The following HOMER1 variants were observed in gnomAD, a reference collection of about 807,000 sequenced individuals.
HOMER1 encodes homer protein homolog 1.
A neutral mutation model predicts 48.9 loss-of-function variants in HOMER1; 3 were observed. That is an observed-to-expected ratio of 0.06 (90% CI 0.03 to 0.16). The LOEUF (loss-of-function observed/expected upper bound fraction) is 0.16. HOMER1 is among the 10% of genes least tolerant of loss of function. The pLI, the probability that HOMER1 is intolerant of heterozygous loss-of-function variation, is 1.00. For missense variants in HOMER1, 247 were observed against 411.4 expected, an observed-to-expected ratio of 0.60 and a Z score of 3.46; for synonymous variants, 134 against 146.4, an observed-to-expected ratio of 0.92 and a Z score of 0.61.
intron 5 of HOMER1, among the ~76,000 whole-genome samples, chr5:79,413,354 T>C (rs773398539): frequency 7.2e-5 from 11 of 152,170 alleles, no homozygotes; most frequent in Non-Finnish European, 1.3e-4. Context: ...TAGTCATACA[T>C]CACAATTCCC....
At chr5:79,480,983 T>C (rs1030855080) in intron 1 of HOMER1, among the ~76,000 whole-genome samples, 1 of 152,208 alleles carries the variant, frequency 6.6e-6, no homozygotes, top group African/African-American at 2.4e-5. Context: ...TCTTCAACCA[T>C]CACAATGCTT....
chr5:79,376,629 T>G (rs1748778891), intron 8 of HOMER1, among the ~76,000 whole-genome samples: 1 of 152,216 alleles, frequency 6.6e-6, no homozygotes, highest in Non-Finnish European at 1.5e-5. Context: ...TACTGGCAAC[T>G]CTAGAGAAAG....
chr5:79,462,353 T>C (rs1751339192), intron 1 of HOMER1, among the ~76,000 whole-genome samples: 2 of 152,206 alleles, frequency 1.3e-5, no homozygotes, highest in Admixed American at 1.3e-4. Flanking sequence ...TATTTTTCTG[T>C]TGATTCATAA....
chr5:79,494,667 G>A (rs1024947019), intron 1 of HOMER1, among the ~76,000 whole-genome samples: 2 of 152,182 alleles, frequency 1.3e-5, no homozygotes, highest in African/African-American at 2.4e-5. Flanking sequence ...TCAGGAGTTC[G>A]AGACCAGCCT....
intron 8 of HOMER1, among the ~76,000 whole-genome samples, chr5:79,384,857 A>G (rs1749069097): frequency 6.6e-6 from 1 of 152,204 alleles, no homozygotes; most frequent in South Asian, 2.1e-4. Context: ...AGAAATTAAT[A>G]AATGATACAT....
chr5:79,470,659 T>G (rs939671324), intron 1 of HOMER1, among the ~76,000 whole-genome samples: 1 of 152,194 alleles, frequency 6.6e-6, no homozygotes, highest in African/African-American at 2.4e-5. Context: ...ATAGAAATTT[T>G]TTAATGACTA....
intron 5 of HOMER1, among the ~76,000 whole-genome samples, chr5:79,414,385 C>T (rs1416946644): frequency 6.7e-6 from 1 of 148,668 alleles, no homozygotes; most frequent in African/African-American, 2.5e-5. Flanking sequence ...ATTCGCCTGG[C>T]CTGTTATTTT....
chr5:79,402,890 T>C (rs977035150), intron 5 of HOMER1, among the ~76,000 whole-genome samples: 1 of 152,164 alleles, frequency 6.6e-6, no homozygotes, highest in African/African-American at 2.4e-5. Flanking sequence ...ATACAAACAT[T>C]TGCTACAATA....
chr5:79,435,354 C>T (rs1279256998), intron 5 of HOMER1, among the ~76,000 whole-genome samples: 1 of 152,176 alleles, frequency 6.6e-6, no homozygotes, highest in Non-Finnish European at 1.5e-5. Flanking sequence ...ACAGTCAACT[C>T]TTAACTAATC....
At chr5:79,479,678 G>A (rs564608228) in intron 1 of HOMER1, among the ~76,000 whole-genome samples, 2 of 151,496 alleles carry the variant, frequency 1.3e-5, no homozygotes, top group African/African-American at 2.4e-5. Flanking sequence ...GAGAATGAAC[G>A]TGTGTTGTTT....
chr5:79,435,682 T>A (rs1480874585), intron 5 of HOMER1, among the ~76,000 whole-genome samples: 1 of 147,080 alleles, frequency 6.8e-6, no homozygotes, highest in Non-Finnish European at 1.5e-5. Context: ...ATACAAAAAA[T>A]TAGCAGGGTG....
intron 5 of HOMER1, among the ~76,000 whole-genome samples, chr5:79,428,205 G>C (rs1397587246): frequency 6.6e-6 from 1 of 152,058 alleles, no homozygotes. Context: ...CAAGTTCTGA[G>C]GGTATAAGAG....
chr5:79,378,010 G>T (rs570444955), intron 8 of HOMER1, among the ~76,000 whole-genome samples: 12 of 152,216 alleles, frequency 7.9e-5, no homozygotes, highest in African/African-American at 2.9e-4. Context: ...CTGAGGTCAG[G>T]AGGTCGAGAC....
intron 1 of HOMER1, among the ~76,000 whole-genome samples, chr5:79,481,476 C>A (rs906329540): frequency 6.6e-6 from 1 of 152,166 alleles, no homozygotes; most frequent in Non-Finnish European, 1.5e-5. Flanking sequence ...GAGTTTAAGA[C>A]AAAGTTGAAA....
At chr5:79,498,992 T>C (rs767115934) in intron 1 of HOMER1, among the ~76,000 whole-genome samples, 7 of 151,976 alleles carry the variant, frequency 4.6e-5, no homozygotes, top group African/African-American at 7.3e-5. Flanking sequence ...CATACCACCA[T>C]GCCCAGCTAA....
chr5:79,502,829 C>T lies in HOMER1; in HGVS notation c.5+9941G>A, dbSNP rs547295023. Reference sequence around the variant, plus strand: ...TGTGTGTGAGACAGTCTCGCTCTGTCGCCCAGGCTGGAGTGCAGTGGCGCA... The same window carrying T: ...TGTGTGTGAGACAGTCTCGCTCTGTTGCCCAGGCTGGAGTGCAGTGGCGCA... On this transcript the variant is annotated intron_variant, in intron 1 of 8. Coordinates refer to ENST00000334082, the MANE Select transcript of HOMER1 (RefSeq NM_004272.5). Among the ~76,000 whole-genome samples, 22 of 152,288 alleles carry T rather than the reference C, an allele frequency of 1.4e-4. No individual in the cohort carries two copies. In the South Asian group the frequency reaches 1.5e-3, roughly 10 times the overall value.
rs1448657791 is a variant in HOMER1, at chr5:79,500,977, C to G, written c.5+11793G>C. Among the ~76,000 whole-genome samples, 3 of 147,048 alleles carry G rather than the reference C, an allele frequency of 2.0e-5. No individual in the cohort carries two copies. The Admixed American group carries it at 2.1e-4, about 10-fold the overall frequency. ...TGAGACAGACAGACACACACACACA[C>G]ACACACACACACACACAAGGTCTGG... On this transcript the variant is annotated intron_variant, in intron 1 of 8. Transcript: ENST00000334082.
intron 5 of HOMER1, among the ~76,000 whole-genome samples, chr5:79,432,587 A>G (rs1054375771): frequency 1.1e-4 from 16 of 152,326 alleles, no homozygotes; most frequent in African/African-American, 3.6e-4. Context: ...GTGCTTGACA[A>G]AATGGTTTAG....
In HOMER1 at chr5:79,376,221, G is replaced by GAA. The variant is rs781065309; in HGVS notation, c.877-25_877-24insTT. ...TCCTTCAGAAACAAAAGTGTAACAT[G>GAA]TATATATGTCAATTCATCACTTAGA... On this transcript the variant is annotated intron_variant, in intron 8 of 8. Coordinates refer to ENST00000334082, the MANE Select transcript of HOMER1 (RefSeq NM_004272.5). The GAA allele has an allele frequency of 1.0e-5, 16 of 1,548,770 alleles. No homozygotes were observed. The African/African-American group carries it at 2.2e-4, about 21-fold the overall frequency.
Sources: allele counts gnomAD v4.1 joint callset (sites outside exome capture counted in the v4.1 genomes callset), GRCh38; gene constraint gnomAD v4.1.1; transcripts MANE v1.5; gene names NCBI Gene and HGNC (gene_info 2026-07-23, HGNC 2026-07-21).